The following ENOX1 variants were observed in gnomAD, a reference collection of about 807,000 sequenced individuals.
ENOX1 encodes the protein ecto-NOX disulfide-thiol exchanger 1.
Under a neutral mutation model 82.5 loss-of-function variants are expected in ENOX1, and 42 were observed. The observed-to-expected ratio is 0.51, with a 90% CI of 0.40 to 0.66. ENOX1 has a LOEUF of 0.66. Among genes scored for constraint, ENOX1 ranks in the 30% least tolerant of loss-of-function variants. ENOX1 has a pLI of 0.00. For missense variants in ENOX1, 608 were observed against 811.6 expected (o/e 0.75, Z 3.05); for synonymous variants, 271 against 282.2 (o/e 0.96, Z 0.40).
At chr13:43,641,153 A>G (rs1392103064) in intron 2 of ENOX1, among the ~76,000 whole-genome samples, 1 of 152,198 alleles carries the variant, frequency 6.6e-6, no homozygotes, top group Non-Finnish European at 1.5e-5. Context: ...AGGGGCATCA[A>G]GGTATATCTG....
intron 2 of ENOX1, among the ~76,000 whole-genome samples, chr13:43,538,831 C>A (rs951030583): frequency 1.3e-5 from 2 of 152,012 alleles, no homozygotes; most frequent in African/African-American, 2.4e-5. Flanking sequence ...TCCTCCCCGC[C>A]CCTGCCCTTT....
At chr13:43,618,272 T>C (rs1594124033) in intron 2 of ENOX1, among the ~76,000 whole-genome samples, 1 of 152,212 alleles carries the variant, frequency 6.6e-6, no homozygotes, top group East Asian at 1.9e-4. Context: ...TATTTATCTT[T>C]GTTTTTATTG....
chr13:43,230,369 C>G (rs999351702), intron 15 of ENOX1, among the ~76,000 whole-genome samples: 1 of 152,056 alleles, frequency 6.6e-6, no homozygotes, highest in Non-Finnish European at 1.5e-5. Context: ...AGGAATCCTG[C>G]TTTGGACAGG....
At chr13:43,687,855 T>A (rs1029237960) in intron 1 of ENOX1, among the ~76,000 whole-genome samples, 1 of 152,100 alleles carries the variant, frequency 6.6e-6, no homozygotes, top group Admixed American at 6.6e-5. Flanking sequence ...AAAGCCAATC[T>A]GGAGATCAGG....
At chr13:43,719,380 C>A (rs1254844731) in intron 1 of ENOX1, among the ~76,000 whole-genome samples, 1 of 149,328 alleles carries the variant, frequency 6.7e-6, no homozygotes, top group Non-Finnish European at 1.5e-5. Flanking sequence ...TAGGTGTGGG[C>A]TTTGGTTTCT....
intron 2 of ENOX1, among the ~76,000 whole-genome samples, chr13:43,647,030 G>T (rs569470953): frequency 6.6e-6 from 1 of 152,282 alleles, no homozygotes; most frequent in South Asian, 2.1e-4. Flanking sequence ...AACCAAGGAG[G>T]CCAATAGATG....
intron 15 of ENOX1, among the ~76,000 whole-genome samples, chr13:43,235,753 C>T (rs1424608912): frequency 1.3e-5 from 2 of 149,258 alleles, no homozygotes; most frequent in Non-Finnish European, 3.0e-5. Context: ...AAAAAAAATG[C>T]AACCAGGCAC....
In ENOX1 at chr13:43,667,528, T is replaced by G. The variant is rs1251369384; in HGVS notation, c.-268A>C. On this transcript the variant is annotated 5_prime_UTR_variant, in exon 2 of 17. It removes an upstream start codon present in the reference 5' UTR. Coordinates refer to ENST00000690772, the MANE Select transcript of ENOX1 (RefSeq NM_001347969.2). ...TCCACATATTATAAATACGACATCA[T>G]GCTGGCAGCAAAGGACCTGTAAAAT... The G allele has an allele frequency of 4.1e-6, 4 of 984,732 alleles. No homozygotes were observed. The highest frequency in any genetic ancestry group is 4.8e-6 in the Non-Finnish European group (4 of 829,276). 61.0% of individuals were successfully genotyped at this position (984,732 alleles called of 1,614,324 possible).
At chr13:43,712,621 G>C (rs1312031712) in intron 1 of ENOX1, among the ~76,000 whole-genome samples, 4 of 150,456 alleles carry the variant, frequency 2.7e-5, no homozygotes, top group African/African-American at 9.7e-5. Flanking sequence ...TCTCCTTGAA[G>C]AGGTCCTTCA....
At chr13:43,381,478 A>AC (rs926242831) in intron 5 of ENOX1, among the ~76,000 whole-genome samples, 3 of 150,888 alleles carry the variant, frequency 2.0e-5, no homozygotes, top group Non-Finnish European at 4.4e-5. Context: ...TTATAAAAAA[A>AC]AAAAACCTTA....
At chr13:43,384,665 A>G (rs1264772169) in intron 5 of ENOX1, among the ~76,000 whole-genome samples, 1 of 152,208 alleles carries the variant, frequency 6.6e-6, no homozygotes, top group East Asian at 1.9e-4. Context: ...GTGTGTTCTG[A>G]GCAAAGGCAT....
chr13:43,576,411 A>G (rs891157437), intron 2 of ENOX1, among the ~76,000 whole-genome samples: 10 of 152,326 alleles, frequency 6.6e-5, no homozygotes, highest in African/African-American at 2.2e-4. Flanking sequence ...CTTGACACTT[A>G]TCACACTTAG....
At chr13:43,341,141 C>T (rs930474866) in intron 9 of ENOX1, among the ~76,000 whole-genome samples, 1 of 151,892 alleles carries the variant, frequency 6.6e-6, no homozygotes, top group Non-Finnish European at 1.5e-5. Flanking sequence ...ACTAAAAATA[C>T]AAAAAATCAG....
intron 1 of ENOX1, among the ~76,000 whole-genome samples, chr13:43,736,799 G>C (rs1041613555): frequency 2.0e-5 from 3 of 152,160 alleles, no homozygotes; most frequent in African/African-American, 7.2e-5. Context: ...GGGTGGGGCT[G>C]AGTTCTTACT....
chr13:43,578,849 C>A (rs1426726925), intron 2 of ENOX1, among the ~76,000 whole-genome samples: 1 of 152,048 alleles, frequency 6.6e-6, no homozygotes, highest in African/African-American at 2.4e-5. Context: ...CACCTTTGAT[C>A]TCCTCCCCCA....
chr13:43,677,332 T>A (rs1054994752), intron 1 of ENOX1, among the ~76,000 whole-genome samples: 3 of 151,742 alleles, frequency 2.0e-5, no homozygotes, highest in Admixed American at 6.6e-5. Flanking sequence ...TGAGTGAGAG[T>A]GGCCAAAAGG....
intron 1 of ENOX1, among the ~76,000 whole-genome samples, chr13:43,766,661 T>C (rs113546880): frequency 2.6e-4 from 40 of 152,340 alleles, no homozygotes; most frequent in African/African-American, 9.1e-4. Context: ...ATTAAAATTA[T>C]ATTCAAGTCC....
At chr13:43,685,047 G>A (rs1488126293) in intron 1 of ENOX1, among the ~76,000 whole-genome samples, 1 of 152,136 alleles carries the variant, frequency 6.6e-6, no homozygotes, top group Non-Finnish European at 1.5e-5. Context: ...GCCTTACTGT[G>A]TAAATCATGC....
chr13:43,456,882 A>G (rs78669777), intron 3 of ENOX1, among the ~76,000 whole-genome samples: 20,909 of 152,128 alleles, frequency 0.14, 1,704 homozygotes, highest in Non-Finnish European at 0.19. Context: ...CATCCCGTGC[A>G]TGAATCTGAA....
Sources: gnomAD v4.1 joint callset for allele counts (sites outside exome capture counted in the v4.1 genomes callset) on GRCh38, gnomAD v4.1.1 for gene constraint, MANE v1.5 for transcripts, NCBI Gene and HGNC (gene_info 2026-07-23, HGNC 2026-07-21) for gene names.